Variants in GRK5 observed in about 807,000 individuals in gnomAD.
GRK5 encodes the protein G protein-coupled receptor kinase 5, also known as g protein-coupled receptor kinase GRK5.
In GRK5, 40 loss-of-function variants were observed where a neutral mutation model predicts 78.4. The observed-to-expected ratio is 0.51, with a 90% CI of 0.40 to 0.66. The LOEUF (loss-of-function observed/expected upper bound fraction) is 0.66. Among genes scored for constraint, GRK5 ranks in the 30% least tolerant of loss-of-function variants. GRK5 has a pLI of 0.00. For missense variants in GRK5, 598 were observed against 759.9 expected (o/e 0.79, Z 2.50); for synonymous variants, 289 against 296.8 (o/e 0.97, Z 0.27).
intron 1 of GRK5, among the ~76,000 whole-genome samples, chr10:119,290,345 T>G (rs1849928703): frequency 2.5e-5 from 1 of 40,156 alleles, no homozygotes; most frequent in Admixed American, 3.7e-4. Flanking sequence ...AGATTCCGTC[T>G]CAAAAAAAAA....
At chr10:119,414,711 C>T (rs1042818816) in intron 4 of GRK5, among the ~76,000 whole-genome samples, 2 of 152,148 alleles carry the variant, frequency 1.3e-5, no homozygotes, top group African/African-American at 4.8e-5. Context: ...ATAATAAAAC[C>T]TATCTTAAGA....
intron 2 of GRK5, among the ~76,000 whole-genome samples, chr10:119,340,516 TA>T (rs1850965579): frequency 6.6e-6 from 1 of 152,216 alleles, no homozygotes; most frequent in Non-Finnish European, 1.5e-5. Flanking sequence ...AAGGGGAAAA[TA>T]AAAACTGCCA....
intron 8 of GRK5, among the ~76,000 whole-genome samples, chr10:119,436,022 A>G (rs1276333379): frequency 6.6e-6 from 1 of 152,204 alleles, no homozygotes; most frequent in East Asian, 1.9e-4. Flanking sequence ...CATATTCACT[A>G]CCACAAGAGC....
At chr10:119,341,206 G>C (rs540001231) in intron 2 of GRK5, among the ~76,000 whole-genome samples, 3 of 152,178 alleles carry the variant, frequency 2.0e-5, no homozygotes, top group South Asian at 4.2e-4. Context: ...CCCTCCAGGC[G>C]CACCTACTTC....
intron 1 of GRK5, among the ~76,000 whole-genome samples, chr10:119,323,601 C>T (rs551861169): frequency 7.5e-4 from 114 of 152,296 alleles, no homozygotes; most frequent in Admixed American, 1.4e-3. Flanking sequence ...TGCTGTCCCC[C>T]GGGCAGCTGC....
At chr10:119,230,165 C>T (rs1032994502) in intron 1 of GRK5, among the ~76,000 whole-genome samples, 1 of 152,014 alleles carries the variant, frequency 6.6e-6, no homozygotes, top group African/African-American at 2.4e-5. Context: ...GAGTGTCAGG[C>T]TAGAATTTGG....
At chr10:119,410,532 T>C (rs1418262043) in intron 4 of GRK5, among the ~76,000 whole-genome samples, 1 of 152,112 alleles carries the variant, frequency 6.6e-6, no homozygotes, top group East Asian at 1.9e-4. Flanking sequence ...CAGGGCACTG[T>C]GAAGGGGCTG....
chr10:119,420,949 G>A (rs1489506076), intron 4 of GRK5, among the ~76,000 whole-genome samples: 1 of 152,136 alleles, frequency 6.6e-6, no homozygotes, highest in Non-Finnish European at 1.5e-5. Context: ...GGGTAAGGGT[G>A]GGTCCTTCCT....
chr10:119,354,847 T>C (rs967143174), intron 2 of GRK5, among the ~76,000 whole-genome samples: 1 of 152,146 alleles, frequency 6.6e-6, no homozygotes. Context: ...ACCCTGAGTA[T>C]TGGAAAGGCT....
At chr10:119,291,121 G>C (rs1849947087) in intron 1 of GRK5, among the ~76,000 whole-genome samples, 1 of 152,172 alleles carries the variant, frequency 6.6e-6, no homozygotes, top group African/African-American at 2.4e-5. Context: ...GGATGTGCTA[G>C]AGGCCCCAGA....
chr10:119,454,936 T>C (rs1264083877), intron 15 of GRK5, 33 bp from the exon 16 acceptor site: 1 of 1,428,622 alleles, frequency 7.0e-7, no homozygotes. Context: ...ACTTCTGTTC[T>C]CTCCACCCCG....
chr10:119,247,333 T>C (rs922116400), intron 1 of GRK5, among the ~76,000 whole-genome samples: 2 of 152,184 alleles, frequency 1.3e-5, no homozygotes, highest in Non-Finnish European at 2.9e-5. Flanking sequence ...GGAGGCTGGA[T>C]TTAAAATTGG....
At chr10:119,403,448 A>G (rs1041737257) in intron 4 of GRK5, among the ~76,000 whole-genome samples, 3 of 152,196 alleles carry the variant, frequency 2.0e-5, no homozygotes, top group Non-Finnish European at 2.9e-5. Context: ...TACAGACGTG[A>G]GCCACCGCAC....
intron 2 of GRK5, among the ~76,000 whole-genome samples, chr10:119,327,035 G>A (rs746032419): frequency 1.7e-4 from 26 of 152,044 alleles, no homozygotes; most frequent in Non-Finnish European, 3.1e-4. Context: ...TCTTCCTGGA[G>A]CCTGTGGGTC....
intron 1 of GRK5, among the ~76,000 whole-genome samples, chr10:119,236,961 C>G (rs1431408350): frequency 6.6e-6 from 1 of 151,852 alleles, no homozygotes; most frequent in Non-Finnish European, 1.5e-5. Context: ...CCACAGGCCA[C>G]AATAGTTCCT....
At chr10:119,323,724 G>A (rs367600701) in intron 1 of GRK5, among the ~76,000 whole-genome samples, 3 of 152,218 alleles carry the variant, frequency 2.0e-5, no homozygotes, top group Admixed American at 6.5e-5. Flanking sequence ...AATAGTTTTG[G>A]GGGAACAGGT....
intron 3 of GRK5, among the ~76,000 whole-genome samples, chr10:119,385,687 A>G (rs1851782242): frequency 6.6e-6 from 1 of 152,168 alleles, no homozygotes; most frequent in African/African-American, 2.4e-5. Flanking sequence ...GACCTGAACA[A>G]ATGGAAAGAT....
Position 119,452,848 on chromosome 10 carries a change from G to A in GRK5, c.1542+40G>A, listed in dbSNP as rs41287136. 1.9e-6 allele frequency: 3 copies of A among 1,573,104 alleles called. No homozygotes were observed. The highest frequency in any genetic ancestry group is 1.7e-6 in the Non-Finnish European group (2 of 1,147,408). ...CCACTTGCTTTGGTCTGGGTGGGAG[G>A]GAGGGACTGACGGGTGGAAGGAGGC... On this transcript the variant is annotated intron_variant, in intron 14 of 15. Transcript: ENST00000392870. This position sits in a 1 kb window ranked among gnomAD's most constrained non-coding sequence, Gnocchi z 4.4.
chr10:119,282,086 G>A (rs1027836082), intron 1 of GRK5, among the ~76,000 whole-genome samples: 1 of 152,134 alleles, frequency 6.6e-6, no homozygotes, highest in African/African-American at 2.4e-5. Context: ...CCCCATGCCA[G>A]TGTGCCCTGC....
Sources: allele counts gnomAD v4.1 joint callset (sites outside exome capture counted in the v4.1 genomes callset), GRCh38; gene constraint gnomAD v4.1.1; non-coding constraint Gnocchi (gnomAD v3.1); transcripts MANE v1.5; gene names NCBI Gene and HGNC (gene_info 2026-07-23, HGNC 2026-07-21).